RASIP1: variants seen among roughly 807,000 people sequenced by gnomAD.
RASIP1 encodes the protein Ras interacting protein 1, also known as ras-interacting protein 1.
RASIP1 carries 20 observed loss-of-function variants against 85.3 expected under a neutral mutation model. The observed-to-expected ratio is 0.23, with a 90% CI of 0.17 to 0.34. The LOEUF is 0.34. RASIP1 is among the 10% of genes least tolerant of loss of function. RASIP1 has a pLI of 1.00. For synonymous variants in RASIP1, 617 were observed against 647.1 expected, an observed-to-expected ratio of 0.95 and a Z score of 0.71; for missense variants, 1,170 against 1,390.9, an observed-to-expected ratio of 0.84 and a Z score of 2.53.
chr19:48,729,595 A>T lies in RASIP1; in HGVS notation c.1180-5T>A, dbSNP rs771064414. 6 of 1,583,542 alleles carry T rather than the reference A, an allele frequency of 3.8e-6. No individual in the cohort carries two copies. The East Asian group carries it at 1.4e-4, about 37-fold the overall frequency. ...CATCACATACACCACAAAGTCCTGG[A>T]GGGGAAACGAGGATGCACTAAGGAC... On this transcript the variant is annotated splice_polypyrimidine_tract_variant and splice_region_variant and intron_variant, in intron 4 of 11. Coordinates refer to ENST00000222145, the MANE Select transcript of RASIP1 (RefSeq NM_017805.3).
intron 4 of RASIP1, among the ~76,000 whole-genome samples, chr19:48,732,231 C>T (rs1472235722): frequency 1.3e-5 from 2 of 151,360 alleles, no homozygotes; most frequent in African/African-American, 4.9e-5. Context: ...TACACCACCA[C>T]ACCTGGCTAA....
intron 3 of RASIP1, among the ~76,000 whole-genome samples, chr19:48,736,089 A>G (rs145971629): frequency 0.045 from 6,787 of 150,980 alleles, 493 homozygotes; most frequent in African/African-American, 0.16. Context: ...GATTACAGGC[A>G]TGAGCCACAG....
chr19:48,730,908 T>C lies in RASIP1; in HGVS notation c.1180-1318A>G, dbSNP rs2033444803. ...GGCGCATGACTGTAGTCCCAGCTAC[T>C]TGGGAGGCTGAGGCACAAGAATCGC... is the stretch of plus-strand genomic sequence containing the variant. On this transcript the variant is annotated intron_variant, in intron 4 of 11. Transcript: ENST00000222145. Among the ~76,000 whole-genome samples the C allele has an allele frequency of 5.3e-5, 8 of 152,190 alleles. No individual in the cohort carries two copies. In the South Asian group the frequency reaches 1.7e-3, roughly 32 times the overall value.
At chr19:48,736,906 G>A (rs907894478) in intron 3 of RASIP1, among the ~76,000 whole-genome samples, 1 of 152,086 alleles carries the variant, frequency 6.6e-6, no homozygotes, top group Non-Finnish European at 1.5e-5. Context: ...GCGTGGTAGT[G>A]GGCACCTGTA....
intron 4 of RASIP1, among the ~76,000 whole-genome samples, chr19:48,734,649 G>A (rs997851944): frequency 2.6e-5 from 4 of 152,024 alleles, no homozygotes; most frequent in Admixed American, 2.0e-4. Flanking sequence ...CACCACACCC[G>A]GCTAATTTTG....
intron 3 of RASIP1, among the ~76,000 whole-genome samples, chr19:48,737,036 G>A (rs1038091266): frequency 2.6e-5 from 4 of 151,986 alleles, no homozygotes; most frequent in African/African-American, 7.2e-5. Context: ...ACTCCATCTC[G>A]AACAACAACG....
At position 48,721,956 on chromosome 19, in the gene RASIP1, CG is replaced by C; in HGVS notation, c.2589del (p.Ala864ProfsTer62). 1 of 1,545,498 alleles carries C rather than the reference CG, an allele frequency of 6.5e-7. No homozygotes were observed. Reference protein sequence around the residue: ...SLRTDHPTLTPAQLHHLLSHY... With the variant: ...SLRTDHPTLTXAQLHHLLSHY... ...TGGCTGAGCAGATGGTGCAGCTGGG[CG>C]GGGGTCAAGGTGGGGTGGTCGGTTC... On this transcript the variant is annotated frameshift_variant, in exon 11 of 12. Transcript: ENST00000222145. LOFTEE classifies it high-confidence loss of function.
At chr19:48,735,048 C>G (rs1185133277) in intron 4 of RASIP1, 148 bp downstream of exon 4, 1 of 686,232 alleles carries the variant, frequency 1.5e-6, no homozygotes, top group Non-Finnish European at 2.4e-6. Flanking sequence ...TCCTGTGAAT[C>G]TCTACTCTGG....
chr19:48,737,487 A>T (rs764057780), intron 3 of RASIP1: 1 of 985,276 alleles, frequency 1.0e-6, no homozygotes, highest in Non-Finnish European at 1.2e-6. Context: ...CTCTACAGTG[A>T]TATCTTCCTT....
At position 48,740,051 on chromosome 19, in the gene RASIP1, G is replaced by A; in HGVS notation, c.137+95C>T. 1 of 1,431,738 alleles carries A rather than the reference G, an allele frequency of 7.0e-7. No homozygotes were observed. Among genetic ancestry groups the A allele is most frequent in the Middle Eastern group, 2.6e-4 (1 of 3,912 alleles). 88.7% of individuals were successfully genotyped at this position (1,431,738 alleles called of 1,614,324 possible). ...GCTCGTTTGCCCAATTCAGGATGAG[G>A]ACCGGAGCCAACACTTTGCAGGGAC... On this transcript the variant is annotated intron_variant, in intron 2 of 11. Coordinates refer to ENST00000222145, the MANE Select transcript of RASIP1 (RefSeq NM_017805.3). The surrounding 1 kb of genome is among the most constrained non-coding windows in gnomAD (Gnocchi z 5.5).
chr19:48,729,224 A>G lies in RASIP1; in HGVS notation c.1546T>C (p.Trp516Arg), dbSNP rs1213465403. The G allele has an allele frequency of 7.3e-7, 1 of 1,378,810 alleles. No individual in the cohort carries two copies. Among genetic ancestry groups the G allele is most frequent in the African/African-American group, 1.6e-5 (1 of 63,876 alleles). 85.4% of individuals were successfully genotyped at this position (1,378,810 alleles called of 1,614,324 possible). Residue 516 changes from tryptophan (W) to arginine (R), a missense_variant, in exon 5 of 12, where the codon TGG becomes CGG. Coordinates refer to ENST00000222145, the MANE Select transcript of RASIP1 (RefSeq NM_017805.3). ...CCGCACAGGCGACAGGAGAAGGCCC[A>G]GCCAGGGCCTGGCGGCGTGGCCCCG... ...RPGATPPGPG[W>R]AFSCRLCGRG...
chr19:48,739,539 A>C lies in RASIP1; in HGVS notation c.244T>G (p.Ser82Ala). The change falls in exon 3 of 12, where the codon TCC becomes GCC. Residue 82 changes from serine (S) to alanine (A), a missense_variant. This residue lies in a region of RASIP1 where 299 missense variants were observed against 394.4 expected (regional missense o/e 0.76). Transcript: ENST00000222145. This position sits in a 1 kb window ranked among gnomAD's most constrained non-coding sequence, Gnocchi z 9.2. ...GAGATGCGCTTGGCGCGGCTACCGG[A>C]GGCTCCCCCGGCCGCCTTGACAGCG... ...VGAVKAAGGA[S>A]GSRAKRISQL... 1 of 1,514,928 alleles carries C rather than the reference A, an allele frequency of 6.6e-7. No individual in the cohort carries two copies. The highest frequency in any genetic ancestry group is 8.8e-7 in the Non-Finnish European group (1 of 1,136,284). 93.8% of individuals were successfully genotyped at this position (1,514,928 alleles called of 1,614,324 possible).
chr19:48,737,666 A>T (rs1381174622), intron 3 of RASIP1: 7 of 984,750 alleles, frequency 7.1e-6, no homozygotes, highest in African/African-American at 1.8e-5. Context: ...TACTCCACCC[A>T]CATAGGCCCT....
At position 48,726,851 on chromosome 19, in the gene RASIP1, C is replaced by T; in HGVS notation, c.2061G>A (p.Glu687=). 4.3e-6 allele frequency: 7 copies of T among 1,614,074 alleles called. No homozygotes were observed. The Admixed American group carries it at 6.7e-5, about 15-fold the overall frequency. ...QLCNDLELCD[E]AMALLDEVIM... ...TGACCTCATCCAGGAGGGCCATGGC[C>T]TCATCACATAATTCCAAGTCATTGC... The change falls in exon 8 of 12, where the codon GAG becomes GAA. Residue 687 remains glutamate (E), a synonymous_variant. Transcript: ENST00000222145.
In RASIP1 at chr19:48,739,376, G is replaced by A. The variant is rs113417146; in HGVS notation, c.407C>T (p.Pro136Leu). The change falls in exon 3 of 12, where the codon CCG (proline) becomes CTG (leucine). Residue 136 changes from proline to leucine, a missense_variant. Around this residue, in one of 4 missense-constraint regions of RASIP1, gnomAD observed 299 missense variants for 394.4 expected, o/e 0.76. Transcript: ENST00000222145. The surrounding 1 kb of genome is among the most constrained non-coding windows in gnomAD (Gnocchi z 9.2). ...AGGCGCCGTGGCGCGGGTAGCCAGC[G>A]GGGGCTCGGGGGCCACGCCCGCCGC... ...ELAAGVAPEP[P>L]LATRATAPPG... 7.5e-7 allele frequency: 1 copy of A among 1,341,800 alleles called. No individual in the cohort carries two copies. Among genetic ancestry groups the A allele is most frequent in the South Asian group, 1.9e-5 (1 of 53,924 alleles). The allele number at this position is 1,341,800 out of a possible 1,614,324, so 83.1% of individuals were successfully genotyped here.
chr19:48,736,679 G>A (rs1307164730), intron 3 of RASIP1, among the ~76,000 whole-genome samples: 1 of 152,184 alleles, frequency 6.6e-6, no homozygotes, highest in East Asian at 1.9e-4. Context: ...AGGCTTGTGA[G>A]ATATGGGAGG....
intron 4 of RASIP1, among the ~76,000 whole-genome samples, chr19:48,733,805 C>CA (rs34801352): frequency 0.43 from 55,036 of 127,940 alleles, 12,537 homozygotes; most frequent in Middle Eastern, 0.61. Context: ...GAATCCATCT[C>CA]AAAAAAAAAA....
chr19:48,729,172 G>C lies in RASIP1; in HGVS notation c.1598C>G (p.Ala533Gly). ...ACGGCCGTCCAGGTAGGCGGCCAGT[G>C]CCTCGCCGCGCTCCTGCAGGCCGCG... ...CGRGLQERGE[A>G]LAAYLDGREP... is the part of the protein sequence containing the mutation. Residue 533 changes from alanine to glycine, a missense_variant, in exon 5 of 12, where the codon GCA becomes GGA. Ala to Gly is a moderately conservative substitution (Grantham distance 60). This residue lies in a region of RASIP1 where 426 missense variants were observed against 576.2 expected (regional missense o/e 0.74). Transcript: ENST00000222145. 7.8e-7 allele frequency: 1 copy of C among 1,286,630 alleles called. No homozygotes were observed. Among genetic ancestry groups the C allele is most frequent in the Non-Finnish European group, 9.9e-7 (1 of 1,015,026 alleles). The allele number at this position is 1,286,630 out of a possible 1,614,324, so 79.7% of individuals were successfully genotyped here.
Position 48,720,995 on chromosome 19 carries a change from C to T in RASIP1, c.2695G>A (p.Asp899Asn), listed in dbSNP as rs1446175729. ...PAEREAVDTG[D>N]IFESFSSHPP... is the part of the protein sequence containing the mutation. ...TGCGAGGAGAAGCTTTCGAAGATGT[C>T]CCCTGTGAGGCCGAAGGCGGCGCGG... Residue 899 changes from aspartate to asparagine, a missense_variant and splice_region_variant, in exon 12 of 12, where the codon GAC becomes AAC. By Grantham distance (23) the Asp-to-Asn change is conservative (BLOSUM62 1). Transcript: ENST00000222145. 10 of 1,596,484 alleles carry T rather than the reference C, an allele frequency of 6.3e-6. No individual in the cohort carries two copies. The highest frequency in any genetic ancestry group is 8.5e-6 in the Non-Finnish European group (10 of 1,171,930).
Sources: allele counts gnomAD v4.1 joint callset (sites outside exome capture counted in the v4.1 genomes callset), GRCh38; gene constraint gnomAD v4.1.1; regional missense constraint gnomAD v4.1.1; non-coding constraint Gnocchi (gnomAD v3.1); transcripts MANE v1.5; gene names NCBI Gene and HGNC (gene_info 2026-07-23, HGNC 2026-07-21).